Variants in TMEM255A observed in about 807,000 individuals in gnomAD.
TMEM255A encodes the protein transmembrane protein 255A.
TMEM255A carries 14 observed loss-of-function variants against 23.5 expected under a neutral mutation model. That is an observed-to-expected ratio of 0.60 (90% CI 0.39 to 0.93). TMEM255A has a LOEUF of 0.93. TMEM255A is among the 40% of genes least tolerant of loss of function. TMEM255A has a pLI of 0.00. For missense variants in TMEM255A, 233 were observed against 261.7 expected, an observed-to-expected ratio of 0.89 and a Z score of 0.76; for synonymous variants, 104 against 100.3, an observed-to-expected ratio of 1.04 and a Z score of -0.22.
chrX:120,269,765 A>G (rs1389429371), intron 7 of TMEM255A, among the ~76,000 whole-genome samples: 1 of 111,551 alleles, frequency 9.0e-6, no homozygotes, highest in East Asian at 2.8e-4. Flanking sequence ...TTACTCAGAA[A>G]TGCCCTTACC....
chrX:120,285,497 C>A, intron 5 of TMEM255A: 1 of 919,556 alleles, frequency 1.1e-6, no homozygotes, highest in Non-Finnish European at 1.5e-6. Context: ...GAAGGACAGA[C>A]GGAAGAACAA....
chrX:120,261,282 G>A (rs1384849560), intron 8 of TMEM255A, among the ~76,000 whole-genome samples: 3 of 111,565 alleles, frequency 2.7e-5, no homozygotes, highest in African/African-American at 9.8e-5. Context: ...GCCAAATCCT[G>A]TTGCTTCTAC....
At chrX:120,253,978 CTGA>C (rs59686094), downstream of TMEM255A, 18 of 1,171,999 alleles carry the variant, frequency 1.5e-5, no homozygotes, top group Admixed American at 4.5e-5. Context: ...GTTACCGATT[CTGA>C]TGATGATGAT....
rs1556026646 is a variant in TMEM255A, at chrX:120,304,508, A to G, written c.59-17T>C. 1 of 1,205,021 alleles carries G rather than the reference A, an allele frequency of 8.3e-7. No individual in the cohort carries two copies. The highest frequency in any genetic ancestry group is 2.2e-5 in the Admixed American group (1 of 45,111). On this transcript the variant is annotated splice_polypyrimidine_tract_variant and intron_variant, in intron 1 of 8. Coordinates refer to ENST00000371369, the MANE Select transcript of TMEM255A (RefSeq NM_001104544.3). The stretch of plus-strand genomic sequence containing the variant: ...TGAATGCTCCTGAAAGCACAGAGAG[A>G]AATTAAAATTGCTCATTTCAGCTGG...
chrX:120,254,551 C>T (rs1223397502), downstream of TMEM255A: 2 of 1,211,484 alleles, frequency 1.7e-6, no homozygotes, highest in Non-Finnish European at 2.2e-6. Context: ...CAGATTCCTA[C>T]ACTTCTTCAA....
chrX:120,305,267 G>T (rs2058056991), intron 1 of TMEM255A, among the ~76,000 whole-genome samples: 1 of 111,268 alleles, frequency 9.0e-6, no homozygotes, highest in Non-Finnish European at 1.9e-5. Flanking sequence ...TTGAAAACAG[G>T]ATTATTAAGT....
intron 2 of TMEM255A, among the ~76,000 whole-genome samples, chrX:120,296,685 T>TA (rs2057961856): frequency 1.6e-5 from 1 of 62,449 alleles, no homozygotes; most frequent in Non-Finnish European, 2.7e-5. Context: ...TTATATTTAA[T>TA]ATATATATTA....
downstream of TMEM255A, chrX:120,254,127 C>T (rs782738766): frequency 5.0e-6 from 6 of 1,209,236 alleles, no homozygotes; most frequent in African/African-American, 8.8e-5. Flanking sequence ...CAATAACTCG[C>T]CCCCTTTAAC....
intron 2 of TMEM255A, among the ~76,000 whole-genome samples, chrX:120,295,030 C>T (rs2057945276): frequency 9.0e-6 from 1 of 111,561 alleles, no homozygotes; most frequent in African/African-American, 3.3e-5. Flanking sequence ...AAACAATTTT[C>T]CTGTCTAAGT....
Position 120,260,342 on chromosome X carries a change from T to C in TMEM255A, c.*528A>G, listed in dbSNP as rs5957345. ...AGGAAGGAGTAAGAGATACGGGCAG[T>C]CTTTTTCAACATCCAGACACAAGCA... On this transcript the variant is annotated 3_prime_UTR_variant, in exon 9 of 9. Coordinates refer to ENST00000371369, the MANE Select transcript of TMEM255A (RefSeq NM_001104544.3). 0.051 allele frequency: 12,408 copies of C among 243,278 alleles called. 1,476 individuals carry two copies. The highest frequency in any genetic ancestry group is 0.34 in the African/African-American group (11,284 of 33,073). 20.0% of individuals were successfully genotyped at this position (243,278 alleles called of 1,213,427 possible).
chrX:120,294,890 A>G (rs1187806083), intron 2 of TMEM255A, among the ~76,000 whole-genome samples: 7 of 111,832 alleles, frequency 6.3e-5, no homozygotes, highest in African/African-American at 2.3e-4. Flanking sequence ...TTTTTTTGAA[A>G]GCCTGTATTT....
At chrX:120,264,713 C>T (rs1246418858) in intron 8 of TMEM255A, among the ~76,000 whole-genome samples, 2 of 109,853 alleles carry the variant, frequency 1.8e-5, no homozygotes, top group Non-Finnish European at 3.8e-5. Flanking sequence ...CATTTTCTGG[C>T]TGTAACTTAG....
downstream of TMEM255A, chrX:120,256,037 C>T (rs1459624820): frequency 8.1e-6 from 1 of 123,265 alleles, no homozygotes; most frequent in Non-Finnish European, 1.9e-5. Context: ...TTAGATTTAG[C>T]TAATTAGAAT....
rs1556017935 is a variant in TMEM255A, at chrX:120,268,249, A to T, written c.814T>A (p.Phe272Ile). Reference sequence around the variant, plus strand: ...TTTTTTCTCCCAAAACATACCTGAAAGTCATAAGCAGAATATGGTGGCAGG... The same window carrying T: ...TTTTTTCTCCCAAAACATACCTGAATGTCATAAGCAGAATATGGTGGCAGG... ...PHLPPYSAYD[F>I]QHSGVFPSSP... The change falls in exon 8 of 9, where the codon TTT becomes ATT. Residue 272 changes from phenylalanine to isoleucine, a missense_variant. By Grantham distance (21) the Phe-to-Ile change is conservative. Transcript: ENST00000371369. The T allele has an allele frequency of 7.5e-6, 9 of 1,206,378 alleles. No homozygotes were observed. The highest frequency in any genetic ancestry group is 1.0e-5 in the Non-Finnish European group (9 of 893,542).
chrX:120,274,561 A>G (rs939910453), intron 7 of TMEM255A, among the ~76,000 whole-genome samples: 1 of 111,231 alleles, frequency 9.0e-6, no homozygotes, highest in Non-Finnish European at 1.9e-5. Flanking sequence ...GAAAGTGTCC[A>G]TCTAGCCACT....
intron 7 of TMEM255A, among the ~76,000 whole-genome samples, chrX:120,269,122 C>A (rs1215598696): frequency 1.6e-5 from 1 of 62,416 alleles, no homozygotes; most frequent in African/African-American, 4.7e-5. Flanking sequence ...TATATTGATC[C>A]CCCCACCTTT....
chrX:120,311,298 G>C lies in TMEM255A; in HGVS notation c.12C>G (p.Ser4=). 8.5e-7 allele frequency: 1 copy of C among 1,181,355 alleles called. No individual in the cohort carries two copies. Among genetic ancestry groups the C allele is most frequent in the Non-Finnish European group, 1.1e-6 (1 of 879,596 alleles). ...TGTCGCTGGACCGCTGCTGAGTCAG[G>C]GACTGATGCATGGTGAAAACTGCCC... is the stretch of plus-strand genomic sequence containing the variant. MHQ[S]LTQQRSSDMS... The change falls in exon 1 of 9, where the codon TCC becomes TCG. Residue 4 remains serine (S), a synonymous_variant. Coordinates refer to ENST00000371369, the MANE Select transcript of TMEM255A (RefSeq NM_001104544.3).
Position 120,260,552 on chromosome X carries a change from G to T in TMEM255A, c.*318C>A. 1 of 188,423 alleles carries T rather than the reference G, an allele frequency of 5.3e-6. No homozygotes were observed. The allele number at this position is 188,423 out of a possible 1,213,427, so 15.5% of individuals were successfully genotyped here. ...AGGGCAACACTCCTTTACATAAAGT[G>T]AAAAAGATGGCAACCACACTTCTGC... On this transcript the variant is annotated 3_prime_UTR_variant, in exon 9 of 9. Transcript: ENST00000371369.
At position 120,304,902 on chromosome X, in the gene TMEM255A, C is replaced by T. The variant is rs782452468; in HGVS notation, c.59-411G>A. 2.9e-3 allele frequency among the ~76,000 whole-genome samples: 325 copies of T among 111,299 alleles called. 3 individuals carry two copies. Among genetic ancestry groups the T allele is most frequent in the Non-Finnish European group, 5.1e-3 (269 of 52,994 alleles). The stretch of plus-strand genomic sequence containing the variant: ...AATGAAAACATTTTAAAGCCAATAT[C>T]CAACTAAAAAGATTTTTTTCATAAG... On this transcript the variant is annotated intron_variant, in intron 1 of 8. Transcript: ENST00000371369.
Sources: allele counts gnomAD v4.1 joint callset (sites outside exome capture counted in the v4.1 genomes callset), GRCh38; gene constraint gnomAD v4.1.1; transcripts MANE v1.5; gene names NCBI Gene and HGNC (gene_info 2026-07-23, HGNC 2026-07-21).